The following HHAT variants were observed in gnomAD, a reference collection of about 807,000 sequenced individuals.
HHAT encodes protein-cysteine N-palmitoyltransferase HHAT.
In HHAT, 47 loss-of-function variants were observed where a neutral mutation model predicts 70.8. That is an observed-to-expected ratio of 0.66 (90% CI 0.53 to 0.85). HHAT has a LOEUF of 0.85. HHAT is among the 40% of genes least tolerant of loss of function. HHAT has a pLI of 0.00. For synonymous variants in HHAT, 228 were observed against 247.6 expected (o/e 0.92, Z 0.74); for missense variants, 609 against 604.8 (o/e 1.01, Z -0.07).
intron 3 of HHAT, among the ~76,000 whole-genome samples, chr1:210,381,938 G>C (rs763895615): frequency 6.6e-6 from 1 of 152,184 alleles, no homozygotes; most frequent in Non-Finnish European, 1.5e-5. Context: ...TATTGACCAG[G>C]CCTTATTAGC....
At chr1:210,645,723 T>G (rs934346041) in intron 11 of HHAT, among the ~76,000 whole-genome samples, 3 of 152,182 alleles carry the variant, frequency 2.0e-5, no homozygotes, top group Non-Finnish European at 2.9e-5. Context: ...AGGTTTAGTC[T>G]GGGACTCGAT....
At chr1:210,658,521 C>T (rs1338119617) in intron 11 of HHAT, among the ~76,000 whole-genome samples, 1 of 152,130 alleles carries the variant, frequency 6.6e-6, no homozygotes, top group Non-Finnish European at 1.5e-5. Flanking sequence ...CCTGGATATC[C>T]TTGTTAACCT....
At chr1:210,603,685 G>A (rs1259827259) in intron 10 of HHAT, among the ~76,000 whole-genome samples, 5 of 152,080 alleles carry the variant, frequency 3.3e-5, no homozygotes, top group East Asian at 3.8e-4. Context: ...TGTGTGCAAC[G>A]TGTGTGTGTG....
At chr1:210,359,562 C>G (rs758766587) in intron 2 of HHAT, among the ~76,000 whole-genome samples, 2 of 152,132 alleles carry the variant, frequency 1.3e-5, no homozygotes, top group African/African-American at 2.4e-5. Context: ...GCTTTGACTC[C>G]CTATGATTTC....
chr1:210,604,555 GTAT>G (rs1664992828), intron 10 of HHAT, among the ~76,000 whole-genome samples: 1 of 152,074 alleles, frequency 6.6e-6, no homozygotes, highest in Non-Finnish European at 1.5e-5. Flanking sequence ...CTTACTGGTG[GTAT>G]TATTTGTGAT....
At chr1:210,447,344 G>A (rs2148382023) in intron 7 of HHAT, among the ~76,000 whole-genome samples, 1 of 152,286 alleles carries the variant, frequency 6.6e-6, no homozygotes, top group East Asian at 1.9e-4. Flanking sequence ...CTACCATAGG[G>A]TGCTTCCAAA....
chr1:210,484,056 G>T (rs897416966), intron 8 of HHAT, among the ~76,000 whole-genome samples: 1 of 152,174 alleles, frequency 6.6e-6, no homozygotes, highest in Non-Finnish European at 1.5e-5. Flanking sequence ...CATGGGCTAG[G>T]TTATGTAAGA....
At chr1:210,655,326 A>G (rs2148945864) in intron 11 of HHAT, among the ~76,000 whole-genome samples, 1 of 152,302 alleles carries the variant, frequency 6.6e-6, no homozygotes, top group African/African-American at 2.4e-5. Flanking sequence ...GGCTGTCTTG[A>G]CTGGCTTCTC....
At position 210,593,100 on chromosome 1, in the gene HHAT, A is replaced by G. The variant is rs368115988; in HGVS notation, c.1245+5001A>G. Among the ~76,000 whole-genome samples, 12 of 152,166 alleles carry G rather than the reference A, an allele frequency of 7.9e-5. No homozygotes were observed. The South Asian group carries it at 8.3e-4, about 11-fold the overall frequency. ...TGTATCCAAGTGTTCTCATTGTTCA[A>G]TTCCCACCTATAAGTGAGAACATGC... On this transcript the variant is annotated intron_variant, in intron 10 of 11. Transcript: ENST00000261458.
At chr1:210,632,605 G>C (rs781601974) in intron 11 of HHAT, among the ~76,000 whole-genome samples, 1 of 152,130 alleles carries the variant, frequency 6.6e-6, no homozygotes, top group Non-Finnish European at 1.5e-5. Context: ...CACAACTGCC[G>C]GCATTCAAAC....
At chr1:210,487,158 AG>A (rs1300186578) in intron 8 of HHAT, among the ~76,000 whole-genome samples, 1 of 152,158 alleles carries the variant, frequency 6.6e-6, no homozygotes, top group African/African-American at 2.4e-5. Flanking sequence ...GGCTGTGCAA[AG>A]AGCTTAGGAT....
At chr1:210,474,926 C>T (rs1307873875) in intron 8 of HHAT, among the ~76,000 whole-genome samples, 2 of 151,726 alleles carry the variant, frequency 1.3e-5, no homozygotes. Context: ...TCAGGGATTA[C>T]TGCAGCCTCA....
At chr1:210,440,205 G>A (rs2093472958) in intron 7 of HHAT, among the ~76,000 whole-genome samples, 2 of 151,758 alleles carry the variant, frequency 1.3e-5, no homozygotes, top group Non-Finnish European at 2.9e-5. Context: ...GTAGTTGTAA[G>A]TTGGGTTCCC....
chr1:210,331,746 A>C (rs2085007530), intron 1 of HHAT, among the ~76,000 whole-genome samples: 1 of 152,226 alleles, frequency 6.6e-6, no homozygotes, highest in Non-Finnish European at 1.5e-5. Context: ...CGCCGCAATA[A>C]TTCCAGTTTG....
intron 3 of HHAT, among the ~76,000 whole-genome samples, chr1:210,367,711 C>T (rs890213895): frequency 5.3e-5 from 8 of 152,296 alleles, no homozygotes; most frequent in Admixed American, 2.0e-4. Context: ...TGGAGGATTA[C>T]AGCCCCAATC....
At chr1:210,421,306 AAT>A (rs1285616699) in intron 7 of HHAT, among the ~76,000 whole-genome samples, 3 of 152,242 alleles carry the variant, frequency 2.0e-5, no homozygotes, top group Non-Finnish European at 4.4e-5. Flanking sequence ...AATATAAAAA[AAT>A]AGAGAACCCA....
At chr1:210,666,729 C>A (rs1228532306) in intron 11 of HHAT, among the ~76,000 whole-genome samples, 1 of 152,072 alleles carries the variant, frequency 6.6e-6, no homozygotes, top group Non-Finnish European at 1.5e-5. Context: ...AGTGATTTGA[C>A]CGCCTCAGCC....
intron 9 of HHAT, among the ~76,000 whole-genome samples, chr1:210,529,449 T>A (rs1361485239): frequency 6.6e-6 from 1 of 152,156 alleles, no homozygotes; most frequent in Non-Finnish European, 1.5e-5. Context: ...TTATTGTGAC[T>A]TGTGTAAAAT....
intron 4 of HHAT, among the ~76,000 whole-genome samples, 174 bp from the exon 5 acceptor site, chr1:210,400,290 TTGTC>T (rs1267517059): frequency 1.3e-5 from 2 of 152,306 alleles, no homozygotes; most frequent in East Asian, 3.9e-4. Flanking sequence ...TGAATCTTGT[TTGTC>T]TGTGTTGTAC....
Sources: allele counts gnomAD v4.1 joint callset (sites outside exome capture counted in the v4.1 genomes callset), GRCh38; gene constraint gnomAD v4.1.1; transcripts MANE v1.5; gene names NCBI Gene and HGNC (gene_info 2026-07-23, HGNC 2026-07-21).